The following TMEM114 variants were observed in gnomAD, a reference collection of about 807,000 sequenced individuals.
The protein encoded by TMEM114 is claudin-26.
In TMEM114, 6 loss-of-function variants were observed where a neutral mutation model predicts 6.2. That is an observed-to-expected ratio of 0.97 (90% CI 0.53 to 1.91). The LOEUF (loss-of-function observed/expected upper bound fraction) is 1.91. Among genes scored for constraint, TMEM114 ranks in the 40% most tolerant of loss-of-function variants. TMEM114 has a pLI of 0.01. For missense variants in TMEM114, 218 were observed against 158.3 expected (o/e 1.38, Z -2.02); for synonymous variants, 104 against 73.0 (o/e 1.42, Z -2.16).
At chr16:8,527,763 G>A in the TMEM114 span, among the ~76,000 whole-genome samples, 1 of 152,070 alleles carries the variant, frequency 6.6e-6, no homozygotes, top group Non-Finnish European at 1.5e-5. Flanking sequence ...TACTAAAGAG[G>A]ATCCGATTCT....
chr16:8,535,580 A>C (rs1332071640), downstream of TMEM114, among the ~76,000 whole-genome samples: 1 of 152,240 alleles, frequency 6.6e-6, no homozygotes, highest in Non-Finnish European at 1.5e-5. Flanking sequence ...CAAGAAGATC[A>C]TGGGAAATAA....
chr16:8,560,517 C>A (rs1477115085), intron 2 of TMEM114, among the ~76,000 whole-genome samples: 1 of 152,218 alleles, frequency 6.6e-6, no homozygotes, highest in African/African-American at 2.4e-5. Context: ...AGAGGACGCA[C>A]TTCCTGCTGG....
downstream of TMEM114, among the ~76,000 whole-genome samples, chr16:8,566,911 T>TA (rs1256835330): frequency 1.4e-3 from 212 of 147,746 alleles, 1 homozygote; most frequent in African/African-American, 4.6e-3. Flanking sequence ...TTTTTTTTTT[T>TA]TTTTTTTGAG....
intron 2 of TMEM114, among the ~76,000 whole-genome samples, chr16:8,544,112 T>C (rs1029068613): frequency 3.3e-5 from 5 of 152,238 alleles, no homozygotes; most frequent in Admixed American, 6.5e-5. Context: ...TGTGATTTTG[T>C]TGCTGTTTTT....
At chr16:8,562,943 A>C (rs919028553) in intron 2 of TMEM114, among the ~76,000 whole-genome samples, 3 of 93,442 alleles carry the variant, frequency 3.2e-5, no homozygotes, top group African/African-American at 1.2e-4. Flanking sequence ...TGAATTAGTG[A>C]GTAAATGAGT....
At chr16:8,547,624 C>T (rs1405871683) in intron 2 of TMEM114, among the ~76,000 whole-genome samples, 1 of 152,088 alleles carries the variant, frequency 6.6e-6, no homozygotes, top group Non-Finnish European at 1.5e-5. Flanking sequence ...AACTCCTGAC[C>T]TTGTGATCCA....
In TMEM114 at chr16:8,586,684, A is replaced by G. The variant is rs547201463; in HGVS notation, c.301+2529T>C. On this transcript the variant is annotated intron_variant, in intron 2 of 3. Transcript: ENST00000620492. ...GGCACCACACCGGGCTAATTTTTGT[A>G]TTTTTAGTAGAGATGGGGTTTCACC... Among the ~76,000 whole-genome samples, 27 of 151,912 alleles carry G rather than the reference A, an allele frequency of 1.8e-4. No homozygotes were observed. In the South Asian group the frequency reaches 5.4e-3, roughly 30 times the overall value.
At chr16:8,536,753 A>G (rs73503696), downstream of TMEM114, among the ~76,000 whole-genome samples, 3,985 of 151,360 alleles carry the variant, frequency 0.026, 171 homozygotes, top group African/African-American at 0.092. Context: ...AAAGGGGAGG[A>G]CTCCCAGTTG....
chr16:8,580,216 A>G (rs1229258432), intron 2 of TMEM114, among the ~76,000 whole-genome samples: 1 of 152,162 alleles, frequency 6.6e-6, no homozygotes, highest in African/African-American at 2.4e-5. Flanking sequence ...AAGGCCCGGC[A>G]CGATGCATGC....
chr16:8,549,363 G>A (rs1264767809), intron 2 of TMEM114, among the ~76,000 whole-genome samples: 1 of 151,770 alleles, frequency 6.6e-6, no homozygotes, highest in Non-Finnish European at 1.5e-5. Flanking sequence ...AGCCCGAAGT[G>A]GTGGTGGGCA....
chr16:8,549,425 A>C (rs1300423819), intron 2 of TMEM114, among the ~76,000 whole-genome samples: 2 of 147,964 alleles, frequency 1.4e-5, no homozygotes, highest in Non-Finnish European at 3.0e-5. Context: ...GCTTGAACCC[A>C]GGGGGCAGAG....
At chr16:8,564,553 A>ATCAG (rs1901452904), downstream of TMEM114, among the ~76,000 whole-genome samples, 1 of 79,376 alleles carries the variant, frequency 1.3e-5, no homozygotes, top group African/African-American at 5.5e-5. Flanking sequence ...GAGTCAGGGA[A>ATCAG]TGAGTGAGTG....
chr16:8,562,292 G>C (rs62645650), intron 2 of TMEM114, among the ~76,000 whole-genome samples: 3 of 103,708 alleles, frequency 2.9e-5, no homozygotes, highest in African/African-American at 1.0e-4. Flanking sequence ...GAGTGAGTGA[G>C]TGAATGAGTG....
At chr16:8,544,412 A>C (rs1225070582) in intron 2 of TMEM114, among the ~76,000 whole-genome samples, 2 of 152,200 alleles carry the variant, frequency 1.3e-5, no homozygotes, top group Non-Finnish European at 2.9e-5. Flanking sequence ...GTTTACTGGG[A>C]AGTAAAGGGG....
intron 3 of TMEM114, among the ~76,000 whole-genome samples, chr16:8,570,371 A>G (rs1901692666): frequency 6.6e-6 from 1 of 152,028 alleles, no homozygotes; most frequent in Admixed American, 6.5e-5. Flanking sequence ...GCTGGAGTGC[A>G]GCGGTGCGAT....
At chr16:8,581,800 G>A (rs1224779650) in intron 2 of TMEM114, among the ~76,000 whole-genome samples, 4 of 152,202 alleles carry the variant, frequency 2.6e-5, no homozygotes, top group Non-Finnish European at 4.4e-5. Flanking sequence ...TTTAAAATGT[G>A]GCCTTTATTT....
At chr16:8,546,667 G>A (rs1900676100) in intron 2 of TMEM114, among the ~76,000 whole-genome samples, 1 of 152,124 alleles carries the variant, frequency 6.6e-6, no homozygotes, top group African/African-American at 2.4e-5. Context: ...TCCAACTGGG[G>A]ATAAACCCAA....
intron 2 of TMEM114, among the ~76,000 whole-genome samples, chr16:8,545,731 C>G (rs748231463): frequency 7.2e-5 from 11 of 152,184 alleles, no homozygotes; most frequent in Non-Finnish European, 1.3e-4. Context: ...TCTTATCTCC[C>G]TTCTCCAACT....
At chr16:8,534,311 C>A (rs1879334793), downstream of TMEM114, among the ~76,000 whole-genome samples, 1 of 150,466 alleles carries the variant, frequency 6.6e-6, no homozygotes, top group African/African-American at 2.5e-5. Context: ...CAAACCAGTC[C>A]ATAATGACCA....
Sources: allele counts gnomAD v4.1 joint callset (sites outside exome capture counted in the v4.1 genomes callset), GRCh38; gene constraint gnomAD v4.1.1; transcripts MANE v1.5; gene names NCBI Gene and HGNC (gene_info 2026-07-23, HGNC 2026-07-21).